The following FNDC7 variants were observed in gnomAD, a reference collection of about 807,000 sequenced individuals.
FNDC7 encodes fibronectin type III domain-containing protein 7.
Under a neutral mutation model 74.2 loss-of-function variants are expected in FNDC7, and 66 were observed. The ratio of observed to expected loss-of-function variants is 0.89; its 90% confidence interval spans 0.73 to 1.09. FNDC7 has a LOEUF of 1.09. Ranked by LOEUF, FNDC7 falls within the 50% of genes least tolerant of loss-of-function variation. The pLI, the probability that FNDC7 is intolerant of heterozygous loss-of-function variation, is 0.00. For synonymous variants in FNDC7, 307 were observed against 330.2 expected (o/e 0.93, Z 0.76); for missense variants, 829 against 893.4 (o/e 0.93, Z 0.92).
intron 2 of FNDC7, among the ~76,000 whole-genome samples, chr1:108,717,157 T>C (rs1225341381): frequency 1.3e-5 from 2 of 152,252 alleles, no homozygotes; most frequent in African/African-American, 2.4e-5. Context: ...TGGAAGAATC[T>C]GAGAATTATT....
At chr1:108,716,844 T>C (rs944276348) in intron 2 of FNDC7, among the ~76,000 whole-genome samples, 1 of 152,126 alleles carries the variant, frequency 6.6e-6, no homozygotes, top group Non-Finnish European at 1.5e-5. Context: ...GTGGAGTACA[T>C]TAAACCTGAA....
Position 108,733,325 on chromosome 1 carries a change from C to G in FNDC7, c.1933C>G (p.Arg645Gly). The G allele has an allele frequency of 6.2e-7, 1 of 1,614,120 alleles. No homozygotes were observed. The highest frequency in any genetic ancestry group is 8.5e-7 in the Non-Finnish European group (1 of 1,180,018). The change falls in exon 10 of 13, where the codon CGG (arginine) becomes GGG (glycine). Residue 645 changes from arginine to glycine, a missense_variant. Transcript: ENST00000370017. ...ATATAGGCTGGGCCCTAATGGCATC[C>G]GGATCTACTGGCAAGCCTCCAGGGG... Reference protein sequence around the residue: ...KLYRLGPNGIRIYWQASRGSA... With the variant: ...KLYRLGPNGIGIYWQASRGSA...
intron 5 of FNDC7, among the ~76,000 whole-genome samples, chr1:108,725,204 A>G (rs1661183658): frequency 6.6e-6 from 1 of 152,148 alleles, no homozygotes; most frequent in African/African-American, 2.4e-5. Flanking sequence ...ATTCCTTCCT[A>G]CTTATGTGAT....
chr1:108,724,468 T>C (rs1661161365), intron 5 of FNDC7, among the ~76,000 whole-genome samples: 1 of 152,042 alleles, frequency 6.6e-6, no homozygotes, highest in Non-Finnish European at 1.5e-5. Flanking sequence ...AGAAAAACTT[T>C]CCAGGTTGCA....
chr1:108,715,411 A>C (rs1266680521), intron 2 of FNDC7, among the ~76,000 whole-genome samples: 1 of 151,966 alleles, frequency 6.6e-6, no homozygotes, highest in South Asian at 2.1e-4. Flanking sequence ...TGGACTTTAC[A>C]CTCCAGCTTC....
rs1354733784 is a variant in FNDC7, at chr1:108,718,780, T to C, written c.338-9T>C. ...GGTAACACAAATGCATGTGTTTTTA[T>C]TTTTTTAGTGTTGGCTGCACCAATT... On this transcript the variant is annotated splice_polypyrimidine_tract_variant and intron_variant, in intron 3 of 12. Transcript: ENST00000370017. 2 of 1,549,120 alleles carry C rather than the reference T, an allele frequency of 1.3e-6. No homozygotes were observed. Among genetic ancestry groups the C allele is most frequent in the Non-Finnish European group, 1.7e-6 (2 of 1,144,974 alleles).
At chr1:108,733,771 C>T (rs1661449854) in intron 10 of FNDC7, among the ~76,000 whole-genome samples, 1 of 151,714 alleles carries the variant, frequency 6.6e-6, no homozygotes. Context: ...CTGCCTCAGC[C>T]TCCCAAGTAG....
intron 2 of FNDC7, among the ~76,000 whole-genome samples, chr1:108,717,567 A>G (rs1246256320): frequency 6.6e-6 from 1 of 152,204 alleles, no homozygotes; most frequent in Non-Finnish European, 1.5e-5. Flanking sequence ...TTAAAATCCC[A>G]TCCCTGAATG....
At chr1:108,737,112 G>A (rs1218534365) in intron 10 of FNDC7, among the ~76,000 whole-genome samples, 3 of 152,006 alleles carry the variant, frequency 2.0e-5, no homozygotes, top group Admixed American at 1.3e-4. Flanking sequence ...GATTACAGGT[G>A]TGCACAACTA....
At chr1:108,718,270 G>C (rs1218946261) in intron 3 of FNDC7, among the ~76,000 whole-genome samples, 6 of 152,162 alleles carry the variant, frequency 3.9e-5, no homozygotes, top group Non-Finnish European at 8.8e-5. Context: ...ATCTTTAAAA[G>C]CATCCCAGCT....
rs1661036403 is a variant in FNDC7 at position 108,718,977 on chromosome 1, T to C, written c.526T>C (p.Tyr176His). ...TFTSLEAGTL[Y>H]TIKAYAWNAN... ...CACCAGTTTAGAAGCCGGAACTCTC[T>C]ACACCATAAAGGCCTATGCATGGAA... The change falls in exon 4 of 13, where the codon TAC becomes CAC. Residue 176 changes from tyrosine to histidine, a missense_variant. Physicochemically the swap from Tyr to His is moderately conservative, Grantham distance 83 (BLOSUM62 2). Coordinates refer to ENST00000370017, the MANE Select transcript of FNDC7 (RefSeq NM_001144937.3). 6.4e-7 allele frequency: 1 copy of C among 1,551,932 alleles called. No homozygotes were observed. The highest frequency in any genetic ancestry group is 8.7e-7 in the Non-Finnish European group (1 of 1,147,062).
chr1:108,716,321 GTGTGT>G (rs1309708705), intron 2 of FNDC7, among the ~76,000 whole-genome samples: 8,323 of 92,688 alleles, frequency 0.09, 457 homozygotes, highest in East Asian at 0.17. Context: ...CAGAAGAGAG[GTGTGT>G]GTGTGTGTGT....
At position 108,729,822 on chromosome 1, in the gene FNDC7, C is replaced by T. The variant is rs546968472; in HGVS notation, c.1625-852C>T. Among the ~76,000 whole-genome samples the T allele has an allele frequency of 2.0e-5, 3 of 152,134 alleles. No homozygotes were observed. In the South Asian group the frequency reaches 6.2e-4, roughly 32 times the overall value. ...ACTTTGGACTATAAAAGTTGAAATA[C>T]CTAAAAAAAGAAGCCAGCAGTAAGA... On this transcript the variant is annotated intron_variant, in intron 8 of 12. Coordinates refer to ENST00000370017, the MANE Select transcript of FNDC7 (RefSeq NM_001144937.3).
In FNDC7 at chr1:108,718,919, G is replaced by T. The variant is rs1487046510; in HGVS notation, c.468G>T (p.Trp156Cys). ...GAGCCAATGGCTTGGGGAGTATATG[G>T]AAAGAGAATACTACAAACACCTCCT... The part of the protein sequence containing the change: ...IMRANGLGSI[W>C]KENTTNTSLT... Residue 156 changes from tryptophan to cysteine, a missense_variant, in exon 4 of 13, where the codon TGG becomes TGT. Coordinates refer to ENST00000370017, the MANE Select transcript of FNDC7 (RefSeq NM_001144937.3). The T allele has an allele frequency of 1.3e-6, 2 of 1,551,592 alleles. No homozygotes were observed. The highest frequency in any genetic ancestry group is 1.7e-6 in the Non-Finnish European group (2 of 1,147,008).
At chr1:108,727,199 C>T (rs1226374407) in intron 6 of FNDC7, among the ~76,000 whole-genome samples, 1 of 152,082 alleles carries the variant, frequency 6.6e-6, no homozygotes, top group African/African-American at 2.4e-5. Flanking sequence ...GTGGCATGTG[C>T]CTGTAATTCC....
intron 9 of FNDC7, 54 bp from the exon 10 acceptor site, chr1:108,733,218 G>A: frequency 6.3e-7 from 1 of 1,581,316 alleles, no homozygotes; most frequent in Non-Finnish European, 8.6e-7. Flanking sequence ...GGCCATTTTT[G>A]GATGATGGTG....
At chr1:108,741,721 T>C (rs1159464318) in intron 11 of FNDC7, 52 bp from the exon 12 acceptor site, 39 of 1,577,896 alleles carry the variant, frequency 2.5e-5, no homozygotes, top group Non-Finnish European at 3.3e-5. Flanking sequence ...TTTAAGAAAA[T>C]GTCTGCATAT....
intron 4 of FNDC7, 149 bp downstream of exon 4, chr1:108,719,198 C>G: frequency 4.6e-6 from 4 of 876,444 alleles, no homozygotes; most frequent in Middle Eastern, 3.0e-4. Flanking sequence ...ATTTATAGTG[C>G]CTTGTCTATT....
At chr1:108,718,745 A>G (rs1220215036) in intron 3 of FNDC7, 44 bp from the exon 4 acceptor site, 4 of 1,542,454 alleles carry the variant, frequency 2.6e-6, no homozygotes, top group Non-Finnish European at 2.6e-6. Flanking sequence ...ATTATCCTCT[A>G]TTGGACTTTG....
Sources: allele counts gnomAD v4.1 joint callset (sites outside exome capture counted in the v4.1 genomes callset), GRCh38; gene constraint gnomAD v4.1.1; transcripts MANE v1.5; gene names NCBI Gene and HGNC (gene_info 2026-07-23, HGNC 2026-07-21).